CAMK1D: variants seen among roughly 807,000 people sequenced by gnomAD.
CAMK1D encodes the protein calcium/calmodulin dependent protein kinase ID.
CAMK1D carries 9 observed loss-of-function variants against 47.7 expected under a neutral mutation model. The observed-to-expected ratio is 0.19, with a 90% CI of 0.11 to 0.33. CAMK1D has a LOEUF of 0.33. CAMK1D is among the 10% of genes least tolerant of loss of function. The pLI, the probability that CAMK1D is intolerant of heterozygous loss-of-function variation, is 1.00. For missense variants in CAMK1D, 291 were observed against 488.7 expected, an observed-to-expected ratio of 0.60 and a Z score of 3.81; for synonymous variants, 184 against 184.9, an observed-to-expected ratio of 0.99 and a Z score of 0.04.
At chr10:12,586,137 T>C (rs1837810813) in intron 2 of CAMK1D, among the ~76,000 whole-genome samples, 1 of 152,194 alleles carries the variant, frequency 6.6e-6, no homozygotes, top group Admixed American at 6.5e-5. Context: ...TAATGCACAG[T>C]GGCGTTCTCC....
chr10:12,788,071 C>T (rs1231754312), intron 5 of CAMK1D, among the ~76,000 whole-genome samples: 1 of 152,224 alleles, frequency 6.6e-6, no homozygotes, highest in Non-Finnish European at 1.5e-5. Context: ...ATTCTTGACA[C>T]AAATATGTAA....
chr10:12,559,170 G>C (rs947504372), intron 2 of CAMK1D, among the ~76,000 whole-genome samples: 1 of 152,070 alleles, frequency 6.6e-6, no homozygotes, highest in Admixed American at 6.5e-5. Flanking sequence ...CTAGTCAGGT[G>C]TGGTGGTTGC....
At chr10:12,596,166 G>C (rs1350250536) in intron 2 of CAMK1D, among the ~76,000 whole-genome samples, 1 of 152,112 alleles carries the variant, frequency 6.6e-6, no homozygotes, top group Non-Finnish European at 1.5e-5. Flanking sequence ...GAGGGGTTGA[G>C]TTTATCCCCC....
intron 3 of CAMK1D, among the ~76,000 whole-genome samples, chr10:12,741,414 A>G (rs954645452): frequency 7.9e-5 from 12 of 152,236 alleles, no homozygotes; most frequent in African/African-American, 2.2e-4. Flanking sequence ...ACGCTGAACC[A>G]GGCTCCTGAC....
At chr10:12,456,170 G>T (rs576029900) in intron 1 of CAMK1D, among the ~76,000 whole-genome samples, 4 of 152,320 alleles carry the variant, frequency 2.6e-5, no homozygotes, top group Admixed American at 2.0e-4. Context: ...AACTAGGTTT[G>T]GGGATCCCCT....
At chr10:12,421,424 AT>A (rs1840044412) in intron 1 of CAMK1D, among the ~76,000 whole-genome samples, 1 of 151,158 alleles carries the variant, frequency 6.6e-6, no homozygotes, top group Non-Finnish European at 1.5e-5. Flanking sequence ...TCCAGCCAGA[AT>A]GATCAAACCA....
At chr10:12,619,729 T>C (rs1838933001) in intron 2 of CAMK1D, among the ~76,000 whole-genome samples, 1 of 152,102 alleles carries the variant, frequency 6.6e-6, no homozygotes, top group African/African-American at 2.4e-5. Context: ...AATGGTAACA[T>C]CTTACAAAAC....
intron 2 of CAMK1D, among the ~76,000 whole-genome samples, chr10:12,557,565 A>G (rs1003224333): frequency 1.1e-4 from 16 of 151,648 alleles, no homozygotes; most frequent in African/African-American, 2.9e-4. Context: ...AAAAAAAAAA[A>G]AAAAAGAAAA....
At chr10:12,743,352 AAAAAAAAGAAAAAAG>A (rs1480420403) in intron 3 of CAMK1D, among the ~76,000 whole-genome samples, 1 of 138,120 alleles carries the variant, frequency 7.2e-6, no homozygotes, top group Non-Finnish European at 1.6e-5. Context: ...GTCTCAAAAA[AAAAAAAAGAAAAAAG>A]AAAAAAAGAA....
intron 2 of CAMK1D, among the ~76,000 whole-genome samples, chr10:12,557,821 C>G (rs2132283257): frequency 6.6e-6 from 1 of 152,234 alleles, no homozygotes; most frequent in East Asian, 1.9e-4. Context: ...CTAAGCCGGC[C>G]CATTGGAAAG....
intron 1 of CAMK1D, among the ~76,000 whole-genome samples, chr10:12,443,131 T>G (rs1266060358): frequency 6.6e-6 from 1 of 152,108 alleles, no homozygotes; most frequent in Non-Finnish European, 1.5e-5. Flanking sequence ...CTAAGGACTC[T>G]GGAAAACAGA....
chr10:12,782,856 C>T (rs1837558892), intron 5 of CAMK1D, among the ~76,000 whole-genome samples: 1 of 152,202 alleles, frequency 6.6e-6, no homozygotes, highest in Non-Finnish European at 1.5e-5. Flanking sequence ...GAAACTGAGG[C>T]ATAGGCAAGG....
At position 12,620,208 on chromosome 10, in the gene CAMK1D, A is replaced by T. The variant is rs866365919; in HGVS notation, c.225-46528A>T. On this transcript the variant is annotated intron_variant, in intron 2 of 10. Coordinates refer to ENST00000619168, the MANE Select transcript of CAMK1D (RefSeq NM_153498.4). ...TCTCAAAAAAAAAAAAAAAAAAAAAAAAAAAAAAAATAAAGCTGCTATAAA... is the reference window on the plus strand; with the variant it reads ...TCTCAAAAAAAAAAAAAAAAAAAAATAAAAAAAAAATAAAGCTGCTATAAA... Among the ~76,000 whole-genome samples the T allele has an allele frequency of 3.8e-3, 571 of 150,082 alleles. 7 individuals are homozygous for T. Among genetic ancestry groups the T allele is most frequent in the African/African-American group, 0.012 (505 of 41,290 alleles).
At chr10:12,684,637 G>A (rs550329480) in intron 3 of CAMK1D, among the ~76,000 whole-genome samples, 1 of 152,264 alleles carries the variant, frequency 6.6e-6, no homozygotes, top group African/African-American at 2.4e-5. Context: ...AGTATGAATT[G>A]AACAAGTTCC....
At chr10:12,522,648 T>C (rs1835461234) in intron 1 of CAMK1D, among the ~76,000 whole-genome samples, 1 of 151,828 alleles carries the variant, frequency 6.6e-6, no homozygotes, top group Non-Finnish European at 1.5e-5. Context: ...TTCCCCACCT[T>C]TCCCCCTTTT....
chr10:12,756,902 G>A (rs1051939592), intron 3 of CAMK1D, among the ~76,000 whole-genome samples: 9 of 152,322 alleles, frequency 5.9e-5, no homozygotes, highest in South Asian at 4.1e-4. Flanking sequence ...CAGCCTGGGC[G>A]ACAGAGTGAG....
At chr10:12,749,264 A>G (rs1835815080) in intron 3 of CAMK1D, among the ~76,000 whole-genome samples, 1 of 151,962 alleles carries the variant, frequency 6.6e-6, no homozygotes, top group Admixed American at 6.6e-5. Flanking sequence ...TATTGGGGAA[A>G]AAAATCTTTG....
chr10:12,395,619 A>G (rs1838915033), intron 1 of CAMK1D, among the ~76,000 whole-genome samples: 1 of 152,090 alleles, frequency 6.6e-6, no homozygotes, highest in Non-Finnish European at 1.5e-5. Context: ...TTACTGTAGA[A>G]GGGTTGGTTT....
intron 1 of CAMK1D, among the ~76,000 whole-genome samples, chr10:12,446,330 CT>C (rs1009690502): frequency 6.6e-6 from 1 of 152,192 alleles, no homozygotes; most frequent in African/African-American, 2.4e-5. Context: ...CATGCCTCCC[CT>C]TTTTAGACCA....
Sources: gnomAD v4.1 joint callset for allele counts (sites outside exome capture counted in the v4.1 genomes callset) on GRCh38, gnomAD v4.1.1 for gene constraint, MANE v1.5 for transcripts, NCBI Gene and HGNC (gene_info 2026-07-23, HGNC 2026-07-21) for gene names.